AGMO: variants seen among roughly 807,000 people sequenced by gnomAD.
AGMO encodes alkylglycerol monooxygenase.
Under a neutral mutation model 60.2 loss-of-function variants are expected in AGMO, and 75 were observed. That is an observed-to-expected ratio of 1.25 (90% CI 1.03 to 1.51). AGMO has a LOEUF of 1.51. Among genes scored for constraint, AGMO ranks in the 40% most tolerant of loss-of-function variants. The pLI, the probability that AGMO is intolerant of heterozygous loss-of-function variation, is 0.00. For missense variants in AGMO, 763 were observed against 525.5 expected (o/e 1.45, Z -4.42); for synonymous variants, 261 against 177.1 (o/e 1.47, Z -3.76).
chr7:15,317,337 T>A (rs1443469600), intron 12 of AGMO, among the ~76,000 whole-genome samples: 1 of 152,176 alleles, frequency 6.6e-6, no homozygotes, highest in Non-Finnish European at 1.5e-5. Flanking sequence ...TATTTGAATG[T>A]AACCTGACCA....
the AGMO span, among the ~76,000 whole-genome samples, chr7:15,125,113 C>G: frequency 6.6e-6 from 1 of 152,132 alleles, no homozygotes; most frequent in Non-Finnish European, 1.5e-5. Context: ...TTTTTCATCG[C>G]ATCCAAAACC....
At chr7:15,514,113 A>G (rs1289988805) in intron 3 of AGMO, among the ~76,000 whole-genome samples, 1 of 152,152 alleles carries the variant, frequency 6.6e-6, no homozygotes, top group Non-Finnish European at 1.5e-5. Flanking sequence ...CCAGTCTTAG[A>G]TCCAACTTCC....
At chr7:15,341,302 C>T (rs1454646456) in intron 12 of AGMO, among the ~76,000 whole-genome samples, 1 of 152,076 alleles carries the variant, frequency 6.6e-6, no homozygotes, top group African/African-American at 2.4e-5. Flanking sequence ...GAAATTTCTC[C>T]CACCAGATAC....
At chr7:15,475,370 G>GA (rs1562526254) in intron 3 of AGMO, among the ~76,000 whole-genome samples, 2 of 152,040 alleles carry the variant, frequency 1.3e-5, no homozygotes, top group Non-Finnish European at 2.9e-5. Context: ...CACAAAAAAG[G>GA]ATGAGTTCAT....
intron 12 of AGMO, among the ~76,000 whole-genome samples, chr7:15,279,441 C>A (rs190744959): frequency 1.3e-5 from 2 of 152,252 alleles, no homozygotes; most frequent in East Asian, 3.9e-4. Flanking sequence ...TTCTAGTCAA[C>A]CATCTTGAAC....
At chr7:15,462,028 T>C (rs1782156214) in intron 3 of AGMO, among the ~76,000 whole-genome samples, 1 of 151,120 alleles carries the variant, frequency 6.6e-6, no homozygotes, top group Admixed American at 6.6e-5. Context: ...TGAAGGATAT[T>C]AAGTGGGACC....
rs567236432 is a variant in AGMO at position 15,209,406 on chromosome 7, GA to G, written c.1264-8048del. On this transcript the variant is annotated intron_variant, in intron 12 of 12. Transcript: ENST00000342526. The stretch of plus-strand genomic sequence containing the variant: ...TCAAAAAATGAGGTTTTTTTTTAGG[GA>G]AAAAATGCCATGTTTACAGAAATCA... Among the ~76,000 whole-genome samples, 491 of 151,836 alleles carry G rather than the reference GA, an allele frequency of 3.2e-3. 2 individuals are homozygous for G. The highest frequency in any genetic ancestry group is 0.011 in the African/African-American group (456 of 41,416).
intron 3 of AGMO, among the ~76,000 whole-genome samples, chr7:15,509,407 T>C (rs1783614070): frequency 6.6e-6 from 1 of 151,836 alleles, no homozygotes; most frequent in African/African-American, 2.4e-5. Context: ...GACAATTATC[T>C]TACACAGTAC....
chr7:15,390,042 T>G (rs1019848893), intron 8 of AGMO, among the ~76,000 whole-genome samples: 6 of 152,088 alleles, frequency 3.9e-5, no homozygotes, highest in African/African-American at 1.4e-4. Flanking sequence ...TTTTTCTCAT[T>G]TATGAGTGCC....
intron 12 of AGMO, among the ~76,000 whole-genome samples, chr7:15,222,264 T>C (rs575032083): frequency 7.2e-5 from 11 of 152,086 alleles, no homozygotes; most frequent in Admixed American, 1.3e-4. Flanking sequence ...TACTCAATAA[T>C]TGGTGATTTA....
intron 12 of AGMO, among the ~76,000 whole-genome samples, chr7:15,268,649 A>G (rs1452281439): frequency 6.6e-6 from 1 of 151,978 alleles, no homozygotes; most frequent in Non-Finnish European, 1.5e-5. Context: ...GATAAATTGA[A>G]GTGGTAAAGA....
intron 12 of AGMO, among the ~76,000 whole-genome samples, chr7:15,255,930 T>C (rs1783083806): frequency 6.6e-6 from 1 of 152,128 alleles, no homozygotes; most frequent in African/African-American, 2.4e-5. Flanking sequence ...TAATGACTGA[T>C]CATGGGATTC....
the AGMO span, among the ~76,000 whole-genome samples, chr7:15,135,757 T>A: frequency 2.2e-5 from 3 of 136,148 alleles, no homozygotes; most frequent in East Asian, 6.3e-4. Flanking sequence ...TTTCTTAATA[T>A]GTCAACTTTA....
intron 3 of AGMO, among the ~76,000 whole-genome samples, chr7:15,435,106 T>TA (rs1781363433): frequency 6.6e-6 from 1 of 152,172 alleles, no homozygotes; most frequent in East Asian, 1.9e-4. Context: ...GTTTTGTTTT[T>TA]ATCTATTCAT....
chr7:15,179,278 T>C, the AGMO span, among the ~76,000 whole-genome samples: 1 of 152,184 alleles, frequency 6.6e-6, no homozygotes, highest in African/African-American at 2.4e-5. Flanking sequence ...CTCATCTGAA[T>C]CAAATATGAG....
chr7:15,519,162 A>T (rs1783909100), intron 3 of AGMO, among the ~76,000 whole-genome samples: 1 of 152,008 alleles, frequency 6.6e-6, no homozygotes, highest in Non-Finnish European at 1.5e-5. Context: ...GAAATATGGG[A>T]CTATGTGAAG....
chr7:15,208,916 G>A (rs1158633784), intron 12 of AGMO, among the ~76,000 whole-genome samples: 1 of 152,156 alleles, frequency 6.6e-6, no homozygotes, highest in African/African-American at 2.4e-5. Context: ...TGAATGATGA[G>A]AAACACGACA....
At chr7:15,555,037 A>G (rs1388269154) in intron 2 of AGMO, among the ~76,000 whole-genome samples, 1 of 151,980 alleles carries the variant, frequency 6.6e-6, no homozygotes. Flanking sequence ...GTTTCAGAAT[A>G]AGTAGACTCA....
At chr7:15,143,507 C>T in the AGMO span, among the ~76,000 whole-genome samples, 1 of 152,114 alleles carries the variant, frequency 6.6e-6, no homozygotes, top group African/African-American at 2.4e-5. Context: ...CTGTTGTAAA[C>T]TCAGAGGTAC....
Sources: gnomAD v4.1 joint callset for allele counts (sites outside exome capture counted in the v4.1 genomes callset) on GRCh38, gnomAD v4.1.1 for gene constraint, MANE v1.5 for transcripts, NCBI Gene and HGNC (gene_info 2026-07-23, HGNC 2026-07-21) for gene names.